The following VPS13B variants were observed in gnomAD, a reference collection of about 807,000 sequenced individuals.
VPS13B encodes the protein vacuolar protein sorting 13 homolog B.
In VPS13B, 285 loss-of-function variants were observed where a neutral mutation model predicts 426.4. The observed-to-expected ratio is 0.67, with a 90% CI of 0.61 to 0.74. VPS13B has a LOEUF of 0.74. VPS13B is among the 30% of genes least tolerant of loss of function. The pLI, the probability that VPS13B is intolerant of heterozygous loss-of-function variation, is 0.00. For missense variants in VPS13B, 4,537 were observed against 4,782.6 expected, an observed-to-expected ratio of 0.95 and a Z score of 1.51; for synonymous variants, 1,676 against 1,676.4, an observed-to-expected ratio of 1.00 and a Z score of 0.01.
At chr8:99,321,683 G>A (rs1247430905) in intron 19 of VPS13B, among the ~76,000 whole-genome samples, 2 of 152,098 alleles carry the variant, frequency 1.3e-5, no homozygotes, top group Non-Finnish European at 2.9e-5. Flanking sequence ...AGGCTGAGAA[G>A]GTGAATTTTA....
chr8:99,056,340 C>T (rs1018124428), intron 3 of VPS13B, among the ~76,000 whole-genome samples: 6 of 152,134 alleles, frequency 3.9e-5, no homozygotes, highest in African/African-American at 7.2e-5. Flanking sequence ...GGATTGCAGG[C>T]GTGAGCCATC....
chr8:99,658,540 T>G (rs1046571852), intron 34 of VPS13B, among the ~76,000 whole-genome samples: 2 of 152,186 alleles, frequency 1.3e-5, no homozygotes, highest in African/African-American at 4.8e-5. Context: ...ATTTATTTAT[T>G]TATTTAAACA....
chr8:99,168,641 T>C (rs1432362445), intron 15 of VPS13B, among the ~76,000 whole-genome samples: 3 of 152,034 alleles, frequency 2.0e-5, no homozygotes, highest in African/African-American at 7.2e-5. Context: ...TTTGCATACA[T>C]TATTGCTCAG....
chr8:99,201,647 G>C (rs180780424), intron 17 of VPS13B, among the ~76,000 whole-genome samples: 1 of 152,078 alleles, frequency 6.6e-6, no homozygotes, highest in Non-Finnish European at 1.5e-5. Flanking sequence ...TCCTTCCTCA[G>C]CTCTTGCAAA....
chr8:99,514,980 A>G (rs1167218758), intron 29 of VPS13B, among the ~76,000 whole-genome samples: 1 of 152,238 alleles, frequency 6.6e-6, no homozygotes, highest in Non-Finnish European at 1.5e-5. Flanking sequence ...CGCTTAGCAT[A>G]GCAGCACCTG....
At chr8:99,484,361 A>G (rs1820190843) in intron 25 of VPS13B, among the ~76,000 whole-genome samples, 1 of 152,136 alleles carries the variant, frequency 6.6e-6, no homozygotes, top group Admixed American at 6.5e-5. Flanking sequence ...TCTGATCTGT[A>G]TCAGATTTGA....
At chr8:99,727,829 C>T (rs951756854) in intron 39 of VPS13B, among the ~76,000 whole-genome samples, 1 of 152,168 alleles carries the variant, frequency 6.6e-6, no homozygotes, top group African/African-American at 2.4e-5. Flanking sequence ...AGGAGGGTCA[C>T]AGAAATATTT....
In VPS13B at chr8:99,779,036, G is replaced by T. The variant is rs1454252779; in HGVS notation, c.7779+5G>T. On this transcript the variant is annotated splice_donor_5th_base_variant and intron_variant, in intron 42 of 61. Coordinates refer to ENST00000357162, the MANE Select transcript of VPS13B (RefSeq NM_152564.5). ...GCAATACAAGCTTGGCAACAGGTAT[G>T]CACATTCCATAACAGTTTACAGTTT... 6.2e-7 allele frequency: 1 copy of T among 1,611,756 alleles called. No individual in the cohort carries two copies. Among genetic ancestry groups the T allele is most frequent in the Non-Finnish European group, 8.5e-7 (1 of 1,178,596 alleles).
chr8:99,624,966 C>T (rs1828545014), intron 33 of VPS13B, among the ~76,000 whole-genome samples: 2 of 152,032 alleles, frequency 1.3e-5, no homozygotes, highest in East Asian at 1.9e-4. Flanking sequence ...TACAAGCATG[C>T]GCCACCATGC....
intron 43 of VPS13B, among the ~76,000 whole-genome samples, chr8:99,788,316 G>A (rs1408799960): frequency 2.7e-5 from 4 of 150,504 alleles, no homozygotes; most frequent in Non-Finnish European, 5.9e-5. Flanking sequence ...TTGGGAGGCT[G>A]AGGCAGGAGG....
intron 3 of VPS13B, among the ~76,000 whole-genome samples, chr8:99,048,274 G>T (rs993523445): frequency 1.3e-5 from 2 of 152,144 alleles, no homozygotes; most frequent in African/African-American, 4.8e-5. Context: ...CTCTCATATG[G>T]ACTATCTTGG....
intron 19 of VPS13B, among the ~76,000 whole-genome samples, chr8:99,297,436 A>G (rs1820102999): frequency 6.6e-6 from 1 of 152,212 alleles, no homozygotes; most frequent in African/African-American, 2.4e-5. Flanking sequence ...TCTTATTAAA[A>G]TAATGTTTTT....
chr8:99,409,633 C>G (rs1038164203), intron 21 of VPS13B, among the ~76,000 whole-genome samples: 1 of 152,076 alleles, frequency 6.6e-6, no homozygotes, highest in African/African-American at 2.4e-5. Flanking sequence ...AAGACCCCCA[C>G]AAAATAACCA....
intron 19 of VPS13B, among the ~76,000 whole-genome samples, chr8:99,305,732 TA>T (rs1427462247): frequency 6.6e-6 from 1 of 152,098 alleles, no homozygotes; most frequent in African/African-American, 2.4e-5. Flanking sequence ...TGGTAAAAGT[TA>T]CATGATAAAC....
chr8:99,388,347 C>A (rs553061535), intron 20 of VPS13B, among the ~76,000 whole-genome samples: 1 of 152,016 alleles, frequency 6.6e-6, no homozygotes, highest in Non-Finnish European at 1.5e-5. Context: ...CTGTTAATAG[C>A]CATTAATTAT....
chr8:99,302,120 T>C (rs190267810), intron 19 of VPS13B, among the ~76,000 whole-genome samples: 201 of 152,306 alleles, frequency 1.3e-3, no homozygotes, highest in African/African-American at 4.6e-3. Context: ...ACGAGGCTGT[T>C]CTGAAGTCAT....
rs775675857 is a variant in VPS13B, at chr8:99,853,753, A to C, written c.10364A>C (p.Gln3455Pro). ...VCQGEKAEPI[Q>P]CSKMQSLLIS... is the part of the protein sequence containing the mutation. ...CAGGGAGAAAAAGCAGAACCCATTC[A>C]GTGTTCCAAAATGCAGAGTCTCCTC... is the stretch of plus-strand genomic sequence containing the variant. Residue 3455 changes from glutamine to proline, a missense_variant, in exon 56 of 62, where the codon CAG (glutamine) becomes CCG (proline). Gln to Pro is a moderately conservative substitution (Grantham distance 76). This residue lies in a region of VPS13B where 4,311 missense variants were observed against 4,474.3 expected (regional missense o/e 0.96). Transcript: ENST00000357162. 6.2e-7 allele frequency: 1 copy of C among 1,614,126 alleles called. No individual in the cohort carries two copies. The highest frequency in any genetic ancestry group is 8.5e-7 in the Non-Finnish European group (1 of 1,180,056).
chr8:99,156,797 C>A, intron 15 of VPS13B, 54 bp downstream of exon 15: 1 of 1,571,784 alleles, frequency 6.4e-7, no homozygotes, highest in Non-Finnish European at 8.7e-7. Flanking sequence ...TTGGGATCAT[C>A]AGATAAGTTT....
chr8:99,050,253 C>G (rs1843462067), intron 3 of VPS13B, among the ~76,000 whole-genome samples: 1 of 151,704 alleles, frequency 6.6e-6, no homozygotes, highest in African/African-American at 2.4e-5. Context: ...GCTCATTGTT[C>G]AATTCCCACC....
Sources: gnomAD v4.1 joint callset for allele counts (sites outside exome capture counted in the v4.1 genomes callset) on GRCh38, gnomAD v4.1.1 for gene constraint, gnomAD v4.1.1 regional missense constraint, MANE v1.5 for transcripts, NCBI Gene and HGNC (gene_info 2026-07-23, HGNC 2026-07-21) for gene names.